Variants in CYSTM1 observed in about 807,000 individuals in gnomAD.
CYSTM1 encodes the protein cysteine-rich transmembrane module-containing protein 1.
A neutral mutation model predicts 13.1 loss-of-function variants in CYSTM1; 4 were observed. The ratio of observed to expected loss-of-function variants is 0.31; its 90% confidence interval spans 0.15 to 0.70. The LOEUF is 0.70. Among genes scored for constraint, CYSTM1 ranks in the 30% least tolerant of loss-of-function variants. The probability of loss-of-function intolerance (pLI) is 0.72; values close to 1 mark genes in which losing one functional copy is unlikely to be tolerated. For missense variants in CYSTM1, 96 were observed against 121.6 expected, an observed-to-expected ratio of 0.79 and a Z score of 0.99; for synonymous variants, 36 against 42.7, an observed-to-expected ratio of 0.84 and a Z score of 0.62.
At chr5:140,238,651 TTCTC>T (rs886226119) in intron 2 of CYSTM1, among the ~76,000 whole-genome samples, 2 of 152,170 alleles carry the variant, frequency 1.3e-5, no homozygotes, top group Admixed American at 6.5e-5. Context: ...AAGTTGAGTC[TTCTC>T]TCTCTCTGCC....
At chr5:140,225,309 G>A (rs1234366135) in intron 2 of CYSTM1, among the ~76,000 whole-genome samples, 1 of 152,264 alleles carries the variant, frequency 6.6e-6, no homozygotes, top group African/African-American at 2.4e-5. Flanking sequence ...GCAGATACAG[G>A]TGAATCCCAC....
chr5:140,192,857 A>G (rs1004487182), intron 1 of CYSTM1, among the ~76,000 whole-genome samples: 3 of 152,296 alleles, frequency 2.0e-5, no homozygotes, highest in South Asian at 2.1e-4. Context: ...GGATGGGATG[A>G]GCTTTCCCTG....
At chr5:140,221,103 T>C (rs1764483315) in intron 2 of CYSTM1, among the ~76,000 whole-genome samples, 1 of 152,158 alleles carries the variant, frequency 6.6e-6, no homozygotes, top group Non-Finnish European at 1.5e-5. Flanking sequence ...GTCTAGGAGT[T>C]CGAGGTTACC....
chr5:140,201,895 A>G (rs1764238186), intron 2 of CYSTM1: 1 of 150,788 alleles, frequency 6.6e-6, no homozygotes, highest in East Asian at 2.0e-4. Context: ...GGAGAAGAAA[A>G]CCCTCCTACC....
chr5:140,227,640 G>A (rs1257472363), intron 2 of CYSTM1, among the ~76,000 whole-genome samples: 1 of 152,160 alleles, frequency 6.6e-6, no homozygotes, highest in Admixed American at 6.5e-5. Context: ...GCCCAGGACT[G>A]AGGATGGGGC....
chr5:140,232,782 C>G (rs1194779318), intron 2 of CYSTM1, among the ~76,000 whole-genome samples: 1 of 152,174 alleles, frequency 6.6e-6, no homozygotes, highest in Non-Finnish European at 1.5e-5. Context: ...AGGCTAGGAA[C>G]CTCCACTAAA....
At chr5:140,237,654 CTGG>C (rs1764698383) in intron 2 of CYSTM1, among the ~76,000 whole-genome samples, 1 of 152,236 alleles carries the variant, frequency 6.6e-6, no homozygotes, top group African/African-American at 2.4e-5. Context: ...ACAGGCAGTG[CTGG>C]TGGTGCAGCC....
chr5:140,178,260 G>A (rs745474158), intron 1 of CYSTM1, among the ~76,000 whole-genome samples: 1 of 152,004 alleles, frequency 6.6e-6, no homozygotes. Context: ...CCTTGAATGC[G>A]GGTCAGTACC....
chr5:140,219,051 T>C lies in CYSTM1; in HGVS notation c.188-24254T>C, dbSNP rs1210144814. 6.6e-6 allele frequency among the ~76,000 whole-genome samples: 1 copy of C among 152,168 alleles called. No individual in the cohort carries two copies. Among genetic ancestry groups the C allele is most frequent in the Non-Finnish European group, 1.5e-5 (1 of 68,030 alleles). ...TCAGTGACAAGCTGGCCAAGCCTGA[T>C]AGAGTTCACCATGGAAGGGAGTTGT... On this transcript the variant is annotated intron_variant, in intron 2 of 2. Coordinates refer to ENST00000261811, the MANE Select transcript of CYSTM1 (RefSeq NM_032412.4). The surrounding 1 kb of genome is among the most constrained non-coding windows in gnomAD (Gnocchi z 4.1).
intron 2 of CYSTM1, among the ~76,000 whole-genome samples, chr5:140,240,196 CT>C (rs1158251114): frequency 6.6e-6 from 1 of 152,128 alleles, no homozygotes; most frequent in Non-Finnish European, 1.5e-5. Context: ...CTTTTAACCC[CT>C]CTCCCTTTTT....
intron 2 of CYSTM1, among the ~76,000 whole-genome samples, chr5:140,242,324 A>T (rs1764759755): frequency 6.6e-6 from 1 of 152,216 alleles, no homozygotes; most frequent in South Asian, 2.1e-4. Flanking sequence ...TAGCAATGAC[A>T]CCAGGCTCCA....
intron 2 of CYSTM1, among the ~76,000 whole-genome samples, chr5:140,222,589 G>A (rs577752951): frequency 2.6e-4 from 40 of 152,370 alleles, no homozygotes; most frequent in African/African-American, 9.1e-4. Flanking sequence ...CAGTTCCAGT[G>A]TACTGGTAGA....
chr5:140,184,073 A>G (rs1043970288), intron 1 of CYSTM1, among the ~76,000 whole-genome samples: 2 of 125,800 alleles, frequency 1.6e-5, no homozygotes, highest in Admixed American at 1.7e-4. Context: ...TAAATATAAC[A>G]TATGTATAAA....
chr5:140,197,174 T>C (rs1764168487), intron 2 of CYSTM1, among the ~76,000 whole-genome samples: 1 of 152,212 alleles, frequency 6.6e-6, no homozygotes, highest in African/African-American at 2.4e-5. Flanking sequence ...TAGAACTTTA[T>C]TGAGTTTGTT....
intron 1 of CYSTM1, among the ~76,000 whole-genome samples, chr5:140,180,319 G>A (rs1763948611): frequency 1.3e-5 from 2 of 152,140 alleles, no homozygotes; most frequent in Admixed American, 6.5e-5. Context: ...CCATCTTTTA[G>A]ACTTCTGACA....
At chr5:140,179,151 T>A (rs927804441) in intron 1 of CYSTM1, among the ~76,000 whole-genome samples, 1 of 151,904 alleles carries the variant, frequency 6.6e-6, no homozygotes, top group African/African-American at 2.4e-5. Flanking sequence ...TCCTAGCTAC[T>A]CAGGAGGCTG....
chr5:140,228,736 T>G (rs1405988144), intron 2 of CYSTM1: 3 of 399,040 alleles, frequency 7.5e-6, no homozygotes, highest in Non-Finnish European at 1.3e-5. Context: ...ACAGTGTACG[T>G]GATAGAACGG....
chr5:140,187,664 G>A (rs1162149803), intron 1 of CYSTM1, among the ~76,000 whole-genome samples: 1 of 152,174 alleles, frequency 6.6e-6, no homozygotes, highest in Admixed American at 6.5e-5. Flanking sequence ...CATGGTGCCT[G>A]GCCCTGCTCT....
chr5:140,192,496 AGTCAT>A (rs1352431546), intron 1 of CYSTM1, among the ~76,000 whole-genome samples: 6 of 152,218 alleles, frequency 3.9e-5, no homozygotes, highest in African/African-American at 1.4e-4. Context: ...GCTGTTATAA[AGTCAT>A]CTGGAATCCC....
Sources: gnomAD v4.1 joint callset for allele counts (sites outside exome capture counted in the v4.1 genomes callset) on GRCh38, gnomAD v4.1.1 for gene constraint, Gnocchi (gnomAD v3.1) non-coding constraint, MANE v1.5 for transcripts, NCBI Gene and HGNC (gene_info 2026-07-23, HGNC 2026-07-21) for gene names.